The following NRXN3 variants were observed in gnomAD, a reference collection of about 807,000 sequenced individuals.
The protein encoded by NRXN3 is neurexin III.
In NRXN3, 32 loss-of-function variants were observed where a neutral mutation model predicts 137.6. That is an observed-to-expected ratio of 0.23 (90% CI 0.18 to 0.31). The LOEUF is 0.31. NRXN3 is among the 10% of genes least tolerant of loss of function. The pLI is 1.00. For synonymous variants in NRXN3, 798 were observed against 784.5 expected (o/e 1.02, Z -0.29); for missense variants, 1,574 against 2,062.5 (o/e 0.76, Z 4.59).
intron 6 of NRXN3, among the ~76,000 whole-genome samples, chr14:78,699,607 C>A (rs1476857704): frequency 6.6e-6 from 1 of 152,162 alleles, no homozygotes; most frequent in African/African-American, 2.4e-5. Flanking sequence ...AATCAAACTG[C>A]TTAAGGCTTC....
intron 4 of NRXN3, among the ~76,000 whole-genome samples, chr14:78,543,109 G>C (rs2096606545): frequency 6.6e-6 from 1 of 152,088 alleles, no homozygotes; most frequent in Non-Finnish European, 1.5e-5. Flanking sequence ...GGTTTAATTA[G>C]GGATTTTCTT....
chr14:79,454,500 G>A (rs1002917902), intron 15 of NRXN3, among the ~76,000 whole-genome samples: 7 of 152,156 alleles, frequency 4.6e-5, no homozygotes, highest in South Asian at 2.1e-4. Flanking sequence ...ACAGGCATGA[G>A]TCACCGTGCC....
At chr14:78,331,969 A>G (rs759510491) in intron 4 of NRXN3, among the ~76,000 whole-genome samples, 4 of 152,172 alleles carry the variant, frequency 2.6e-5, no homozygotes, top group African/African-American at 4.8e-5. Flanking sequence ...GGTGTTAACT[A>G]TCTCTGGAGG....
chr14:78,661,873 A>AT (rs1025712133), intron 6 of NRXN3, among the ~76,000 whole-genome samples: 1 of 147,374 alleles, frequency 6.8e-6, no homozygotes, highest in South Asian at 2.1e-4. Context: ...AATGTTATTT[A>AT]TTTTTTTTCT....
At chr14:79,665,791 C>CT (rs1181250165) in intron 17 of NRXN3, among the ~76,000 whole-genome samples, 11 of 152,138 alleles carry the variant, frequency 7.2e-5, no homozygotes, top group Middle Eastern at 3.2e-3. Flanking sequence ...GTGCGCCTAT[C>CT]TTTTGGTGTC....
chr14:78,654,349 T>C (rs757172684), intron 6 of NRXN3, among the ~76,000 whole-genome samples: 76 of 152,258 alleles, frequency 5.0e-4, no homozygotes, highest in Non-Finnish European at 8.7e-4. Flanking sequence ...TTGCCATTTG[T>C]GGCTTTAAGT....
intron 15 of NRXN3, among the ~76,000 whole-genome samples, chr14:79,317,784 T>G (rs2089160764): frequency 6.6e-6 from 1 of 152,226 alleles, no homozygotes; most frequent in Non-Finnish European, 1.5e-5. Flanking sequence ...TTCCTTTATA[T>G]TTTTGTTATA....
At chr14:79,321,733 T>C (rs1338179388) in intron 15 of NRXN3, among the ~76,000 whole-genome samples, 1 of 150,730 alleles carries the variant, frequency 6.6e-6, no homozygotes, top group Non-Finnish European at 1.5e-5. Flanking sequence ...CATCATGATA[T>C]ATATATACAT....
intron 8 of NRXN3, among the ~76,000 whole-genome samples, chr14:78,758,934 C>T (rs910690267): frequency 6.6e-6 from 1 of 152,178 alleles, no homozygotes; most frequent in Non-Finnish European, 1.5e-5. Flanking sequence ...GTTTCATCTC[C>T]TTTCATTTTG....
chr14:79,437,746 G>C (rs540827902), intron 15 of NRXN3, among the ~76,000 whole-genome samples: 1 of 152,304 alleles, frequency 6.6e-6, no homozygotes, highest in East Asian at 1.9e-4. Context: ...GAAATGGGAA[G>C]TCCCCTGAGC....
At chr14:79,304,939 ACT>A (rs1193046908) in intron 15 of NRXN3, among the ~76,000 whole-genome samples, 1 of 151,958 alleles carries the variant, frequency 6.6e-6, no homozygotes, top group African/African-American at 2.4e-5. Context: ...AGCATCTGTA[ACT>A]CTCCAAAGAC....
intron 4 of NRXN3, among the ~76,000 whole-genome samples, chr14:78,517,404 G>A (rs572584577): frequency 2.0e-5 from 3 of 152,058 alleles, no homozygotes; most frequent in Non-Finnish European, 2.9e-5. Context: ...GGTGAGAGGG[G>A]GCTGTCTGCT....
At chr14:78,363,029 C>T (rs1463086578) in intron 4 of NRXN3, among the ~76,000 whole-genome samples, 1 of 152,206 alleles carries the variant, frequency 6.6e-6, no homozygotes, top group Non-Finnish European at 1.5e-5. Context: ...ATCCTATTGT[C>T]AATCTGCCAG....
intron 10 of NRXN3, among the ~76,000 whole-genome samples, chr14:78,890,236 A>G (rs115931815): frequency 1.5e-3 from 228 of 152,132 alleles, no homozygotes; most frequent in African/African-American, 5.4e-3. Context: ...TCTACAAAAT[A>G]CATGAATTAT....
At chr14:78,533,783 A>T (rs1160385768) in intron 4 of NRXN3, among the ~76,000 whole-genome samples, 1 of 152,208 alleles carries the variant, frequency 6.6e-6, no homozygotes, top group Non-Finnish European at 1.5e-5. Context: ...ACCAAGGTTG[A>T]AGCACCTTCC....
At chr14:78,511,173 C>T (rs370750167) in intron 4 of NRXN3, among the ~76,000 whole-genome samples, 2 of 152,194 alleles carry the variant, frequency 1.3e-5, no homozygotes, top group African/African-American at 4.8e-5. Flanking sequence ...ACAACAACAA[C>T]AAAAAACATC....
intron 15 of NRXN3, among the ~76,000 whole-genome samples, chr14:79,015,676 A>C (rs1052505684): frequency 2.0e-5 from 3 of 152,104 alleles, no homozygotes; most frequent in Admixed American, 2.0e-4. Flanking sequence ...GGCTCATCTC[A>C]AGAAGAATGA....
intron 15 of NRXN3, among the ~76,000 whole-genome samples, chr14:79,190,803 T>C (rs1000674032): frequency 6.6e-6 from 1 of 152,200 alleles, no homozygotes; most frequent in Non-Finnish European, 1.5e-5. Context: ...CTTATCCTTC[T>C]ACTAAGTCAC....
chr14:79,253,276 C>A (rs904803821), intron 15 of NRXN3, among the ~76,000 whole-genome samples: 1 of 152,144 alleles, frequency 6.6e-6, no homozygotes. Context: ...AGGTGTTGAA[C>A]CACTACTCGT....
Sources: allele counts gnomAD v4.1 joint callset (sites outside exome capture counted in the v4.1 genomes callset), GRCh38; gene constraint gnomAD v4.1.1; transcripts MANE v1.5; gene names NCBI Gene and HGNC (gene_info 2026-07-23, HGNC 2026-07-21).